Variants in ANKS1B observed in about 807,000 individuals in gnomAD.
ANKS1B encodes the protein ankyrin repeat and sterile alpha motif domain-containing protein 1B.
ANKS1B carries 36 observed loss-of-function variants against 148.3 expected under a neutral mutation model. The observed-to-expected ratio is 0.24, with a 90% confidence interval of 0.19 to 0.32. ANKS1B has a LOEUF of 0.32. Ranked by LOEUF, ANKS1B falls within the 10% of genes least tolerant of loss-of-function variation. The pLI is 1.00. For missense variants in ANKS1B, 1,157 were observed against 1,542.6 expected, an observed-to-expected ratio of 0.75 and a Z score of 4.19; for synonymous variants, 542 against 560.8, an observed-to-expected ratio of 0.97 and a Z score of 0.47.
chr12:98,802,494 C>T (rs1017925945), intron 20 of ANKS1B, among the ~76,000 whole-genome samples: 2 of 149,536 alleles, frequency 1.3e-5, no homozygotes, highest in African/African-American at 4.9e-5. Flanking sequence ...AGAACTAGCT[C>T]TCCAATTTTC....
At chr12:99,655,442 T>A (rs918330517) in intron 8 of ANKS1B, among the ~76,000 whole-genome samples, 17 of 152,030 alleles carry the variant, frequency 1.1e-4, no homozygotes, top group Non-Finnish European at 5.9e-5. Context: ...TATATGAAGT[T>A]CATAATGAAG....
At chr12:99,657,089 T>C (rs539201727) in intron 8 of ANKS1B, among the ~76,000 whole-genome samples, 1 of 152,298 alleles carries the variant, frequency 6.6e-6, no homozygotes, top group Non-Finnish European at 1.5e-5. Context: ...TAACAACTGT[T>C]AGACTGAGAA....
At chr12:99,805,583 C>T (rs938025741) in intron 4 of ANKS1B, among the ~76,000 whole-genome samples, 1 of 151,998 alleles carries the variant, frequency 6.6e-6, no homozygotes, top group African/African-American at 2.4e-5. Context: ...GCTGAGATCA[C>T]GCCACCCACC....
intron 17 of ANKS1B, among the ~76,000 whole-genome samples, chr12:98,847,980 T>C (rs767604991): frequency 1.3e-5 from 2 of 152,242 alleles, no homozygotes; most frequent in Non-Finnish European, 2.9e-5. Context: ...AATACATGTT[T>C]ATTTTGTATC....
chr12:98,903,910 T>G (rs927788863), intron 17 of ANKS1B, among the ~76,000 whole-genome samples: 1 of 152,192 alleles, frequency 6.6e-6, no homozygotes, highest in East Asian at 1.9e-4. Context: ...CTTATATTAC[T>G]GCAAAATTTT....
intron 12 of ANKS1B, among the ~76,000 whole-genome samples, chr12:99,294,785 C>G (rs565757424): frequency 2.6e-5 from 4 of 152,220 alleles, no homozygotes; most frequent in African/African-American, 9.6e-5. Context: ...TCCCAAGTAG[C>G]TGGGACTACA....
chr12:99,624,349 G>A (rs1194542428), intron 9 of ANKS1B, among the ~76,000 whole-genome samples: 1 of 152,070 alleles, frequency 6.6e-6, no homozygotes, highest in East Asian at 1.9e-4. Flanking sequence ...CCTTGACAAA[G>A]AGTTTATGGC....
At chr12:98,780,227 C>A (rs866587166) in intron 24 of ANKS1B, among the ~76,000 whole-genome samples, 1 of 152,278 alleles carries the variant, frequency 6.6e-6, no homozygotes, top group South Asian at 2.1e-4. Flanking sequence ...GTGAGAGGTC[C>A]AGAGAAAGAC....
intron 9 of ANKS1B, among the ~76,000 whole-genome samples, chr12:99,543,928 G>A (rs2097150176): frequency 6.6e-6 from 1 of 152,104 alleles, no homozygotes; most frequent in South Asian, 2.1e-4. Context: ...AATGCCTGTG[G>A]CAAAGCAAGA....
Position 98,978,691 on chromosome 12 carries a change from G to A in ANKS1B, c.2778+74466C>T, listed in dbSNP as rs565938161. On this transcript the variant is annotated intron_variant, in intron 17 of 26. Coordinates refer to ENST00000683438, the MANE Select transcript of ANKS1B (RefSeq NM_001352186.2). Reference sequence around the variant, plus strand: ...AATAATATACCAATTAATGTATAACGTGATCCTTACAATAGTTATACTTCT... The same window carrying A: ...AATAATATACCAATTAATGTATAACATGATCCTTACAATAGTTATACTTCT... 2.6e-5 allele frequency among the ~76,000 whole-genome samples: 4 copies of A among 151,624 alleles called. No homozygotes were observed. The South Asian group carries it at 8.3e-4, about 32-fold the overall frequency.
chr12:99,123,641 C>T (rs1182820264), intron 15 of ANKS1B, among the ~76,000 whole-genome samples: 3 of 152,138 alleles, frequency 2.0e-5, no homozygotes, highest in Non-Finnish European at 4.4e-5. Flanking sequence ...GCCCGAGAGC[C>T]CCTGGCAAAT....
intron 1 of ANKS1B, among the ~76,000 whole-genome samples, chr12:99,935,794 G>A (rs1009831964): frequency 2.0e-5 from 3 of 152,110 alleles, no homozygotes; most frequent in African/African-American, 7.2e-5. Flanking sequence ...AAAGTCAACT[G>A]ATTAGTGACC....
In ANKS1B at chr12:98,955,683, C is replaced by G. The variant is rs560153613; in HGVS notation, c.2778+97474G>C. ...TGGCATATGAGAGACAGAGAGGCAT[C>G]CAGGATCCAGGCATTTAAGATTTTT... On this transcript the variant is annotated intron_variant, in intron 17 of 26. Coordinates refer to ENST00000683438, the MANE Select transcript of ANKS1B (RefSeq NM_001352186.2). 5.3e-5 allele frequency among the ~76,000 whole-genome samples: 8 copies of G among 152,200 alleles called. No individual in the cohort carries two copies. In the East Asian group the frequency reaches 1.5e-3, roughly 29 times the overall value.
intron 15 of ANKS1B, among the ~76,000 whole-genome samples, chr12:99,118,917 C>T (rs1266540749): frequency 6.6e-6 from 1 of 152,050 alleles, no homozygotes; most frequent in African/African-American, 2.4e-5. Flanking sequence ...TTTTTGGTCT[C>T]GGGGTAACAA....
chr12:99,138,810 A>G (rs1457408487), intron 15 of ANKS1B, among the ~76,000 whole-genome samples: 1 of 152,094 alleles, frequency 6.6e-6, no homozygotes, highest in Non-Finnish European at 1.5e-5. Context: ...TACTGCTTAC[A>G]TAAATACACT....
chr12:99,910,354 C>CAAAAAAAAAAA (rs57222450), intron 1 of ANKS1B, among the ~76,000 whole-genome samples: 1 of 51,090 alleles, frequency 2.0e-5, no homozygotes, highest in Non-Finnish European at 3.4e-5. Flanking sequence ...GACTCCATCT[C>CAAAAAAAAAAA]AAAAAAAAAA....
chr12:99,270,218 G>T (rs79312242), intron 12 of ANKS1B, among the ~76,000 whole-genome samples: 2 of 152,068 alleles, frequency 1.3e-5, no homozygotes, highest in Admixed American at 6.5e-5. Flanking sequence ...TCAGCCCATC[G>T]GATTTTATCT....
intron 9 of ANKS1B, among the ~76,000 whole-genome samples, chr12:99,604,248 C>G (rs1377451478): frequency 1.3e-5 from 2 of 151,968 alleles, no homozygotes; most frequent in Non-Finnish European, 2.9e-5. Flanking sequence ...TTCTAGGAAT[C>G]TCATAATTTT....
At chr12:99,775,208 G>A (rs889106431) in intron 7 of ANKS1B, among the ~76,000 whole-genome samples, 1 of 152,082 alleles carries the variant, frequency 6.6e-6, no homozygotes, top group African/African-American at 2.4e-5. Context: ...TAATTAGCTT[G>A]ATTTTGGCAA....
Sources: allele counts gnomAD v4.1 joint callset (sites outside exome capture counted in the v4.1 genomes callset), GRCh38; gene constraint gnomAD v4.1.1; transcripts MANE v1.5; gene names NCBI Gene and HGNC (gene_info 2026-07-23, HGNC 2026-07-21).